TMEM163: variants seen among roughly 807,000 people sequenced by gnomAD.
The protein encoded by TMEM163 is transmembrane protein 163.
A neutral mutation model predicts 29.3 loss-of-function variants in TMEM163; 17 were observed. That is an observed-to-expected ratio of 0.58 (90% CI 0.40 to 0.87). TMEM163 has a LOEUF of 0.87. Among genes scored for constraint, TMEM163 ranks in the 40% least tolerant of loss-of-function variants. TMEM163 has a pLI of 0.00. For synonymous variants in TMEM163, 157 were observed against 160.6 expected, an observed-to-expected ratio of 0.98 and a Z score of 0.17; for missense variants, 303 against 381.5, an observed-to-expected ratio of 0.79 and a Z score of 1.71.
At chr2:134,485,633 A>T (rs1357482749) in intron 5 of TMEM163, among the ~76,000 whole-genome samples, 1 of 152,238 alleles carries the variant, frequency 6.6e-6, no homozygotes, top group Non-Finnish European at 1.5e-5. Flanking sequence ...AACTGACTGC[A>T]TCAGGCTCAC....
At chr2:134,495,895 T>C (rs149003793) in intron 5 of TMEM163, among the ~76,000 whole-genome samples, 7 of 152,288 alleles carry the variant, frequency 4.6e-5, no homozygotes, top group Admixed American at 1.3e-4. Flanking sequence ...TTCTTCTATT[T>C]CTGTTTCCTT....
At chr2:134,605,867 G>A (rs1157135501) in intron 2 of TMEM163, among the ~76,000 whole-genome samples, 1 of 152,164 alleles carries the variant, frequency 6.6e-6, no homozygotes, top group African/African-American at 2.4e-5. Context: ...GCAAGTTACA[G>A]AATACTTTGT....
intron 2 of TMEM163, among the ~76,000 whole-genome samples, chr2:134,555,199 T>G (rs955286383): frequency 2.6e-4 from 39 of 152,246 alleles, no homozygotes; most frequent in African/African-American, 2.4e-5. Flanking sequence ...TAACTCACCA[T>G]GACACATCCC....
chr2:134,469,450 AAAT>A (rs1214721562), intron 5 of TMEM163: 1 of 152,180 alleles, frequency 6.6e-6, no homozygotes, highest in Non-Finnish European at 1.5e-5. Flanking sequence ...AAGTGGAAAA[AAAT>A]AACAGACTCC....
At chr2:134,485,948 T>C (rs1679296613) in intron 5 of TMEM163, among the ~76,000 whole-genome samples, 2 of 152,130 alleles carry the variant, frequency 1.3e-5, no homozygotes, top group South Asian at 2.1e-4. Flanking sequence ...AGCACACCTG[T>C]GGCCTGCTCC....
chr2:134,519,613 G>C (rs753818005), intron 4 of TMEM163, among the ~76,000 whole-genome samples: 1 of 152,062 alleles, frequency 6.6e-6, no homozygotes, highest in Non-Finnish European at 1.5e-5. Flanking sequence ...TCGGGAGGCT[G>C]AGGCAGGAGA....
chr2:134,557,115 G>A (rs1473696384), intron 2 of TMEM163, among the ~76,000 whole-genome samples: 1 of 152,210 alleles, frequency 6.6e-6, no homozygotes, highest in African/African-American at 2.4e-5. Flanking sequence ...TCAGTAAAAC[G>A]CTCTGAGGTG....
intron 4 of TMEM163, among the ~76,000 whole-genome samples, chr2:134,541,814 G>A (rs992301653): frequency 2.7e-5 from 4 of 150,904 alleles, no homozygotes; most frequent in South Asian, 2.1e-4. Context: ...ACACACACAC[G>A]GAGCATACAT....
chr2:134,595,558 T>C (rs1442643180), intron 2 of TMEM163, among the ~76,000 whole-genome samples: 3 of 152,228 alleles, frequency 2.0e-5, no homozygotes, highest in Admixed American at 6.5e-5. Flanking sequence ...CTATTGTGAA[T>C]AGTGCTGCAA....
chr2:134,528,240 G>A (rs377116170), intron 4 of TMEM163, among the ~76,000 whole-genome samples: 55 of 152,318 alleles, frequency 3.6e-4, no homozygotes, highest in Middle Eastern at 3.4e-3. Context: ...GTGTTTGTAA[G>A]CAGATCTTAG....
chr2:134,535,717 GTTTT>G (rs59227102), intron 4 of TMEM163, among the ~76,000 whole-genome samples: 10,018 of 142,600 alleles, frequency 0.07, 860 homozygotes, highest in African/African-American at 0.19. Flanking sequence ...TATTTGTATG[GTTTT>G]TTTTTTTGTT....
At chr2:134,480,408 TTTC>T (rs1363775437) in intron 5 of TMEM163, among the ~76,000 whole-genome samples, 1 of 151,800 alleles carries the variant, frequency 6.6e-6, no homozygotes, top group African/African-American at 2.4e-5. Context: ...ACCCCCGATC[TTTC>T]TTCTTTTTTT....
At chr2:134,457,962 C>A (rs916330058) in intron 7 of TMEM163, 70 bp downstream of exon 7, 3 of 1,602,638 alleles carry the variant, frequency 1.9e-6, no homozygotes, top group African/African-American at 2.7e-5. Flanking sequence ...CATTTCCTGA[C>A]TGGGGAAGGC....
chr2:134,524,206 G>A (rs774444085), intron 4 of TMEM163, among the ~76,000 whole-genome samples: 12 of 152,286 alleles, frequency 7.9e-5, no homozygotes, highest in South Asian at 2.1e-4. Context: ...GTCTTAGGAC[G>A]ATGGTTGTCA....
intron 2 of TMEM163, among the ~76,000 whole-genome samples, chr2:134,559,918 C>T (rs553160391): frequency 6.6e-6 from 1 of 152,222 alleles, no homozygotes; most frequent in Non-Finnish European, 1.5e-5. Context: ...ACATTGGCCT[C>T]CCTGGAAAGG....
chr2:134,707,736 C>T (rs1684845751), intron 2 of TMEM163, among the ~76,000 whole-genome samples: 1 of 151,938 alleles, frequency 6.6e-6, no homozygotes, highest in Non-Finnish European at 1.5e-5. Flanking sequence ...GAATGGGCGC[C>T]TGCAGTTGGT....
intron 4 of TMEM163, among the ~76,000 whole-genome samples, chr2:134,506,865 C>T (rs1475294835): frequency 1.3e-5 from 2 of 152,196 alleles, no homozygotes; most frequent in African/African-American, 2.4e-5. Flanking sequence ...AATCCCTGGC[C>T]TCAACCCAGA....
intron 2 of TMEM163, among the ~76,000 whole-genome samples, chr2:134,676,477 TA>T (rs1373430356): frequency 6.6e-6 from 1 of 152,204 alleles, no homozygotes; most frequent in Non-Finnish European, 1.5e-5. Flanking sequence ...TAAATATTCA[TA>T]TTTTTTAACA....
At chr2:134,499,026 C>T (rs1177030820) in intron 5 of TMEM163, among the ~76,000 whole-genome samples, 2 of 152,184 alleles carry the variant, frequency 1.3e-5, no homozygotes, top group East Asian at 1.9e-4. Context: ...AAGCTTGCCA[C>T]CTGCCCCTTC....
Sources: gnomAD v4.1 joint callset for allele counts (sites outside exome capture counted in the v4.1 genomes callset) on GRCh38, gnomAD v4.1.1 for gene constraint, MANE v1.5 for transcripts, NCBI Gene and HGNC (gene_info 2026-07-23, HGNC 2026-07-21) for gene names.